Variants in PLCG2 observed in about 807,000 individuals in gnomAD.
PLCG2 encodes 1-phosphatidylinositol 4,5-bisphosphate phosphodiesterase gamma-2.
In PLCG2, 69 loss-of-function variants were observed where a neutral mutation model predicts 175.6. That is an observed-to-expected ratio of 0.39 (90% CI 0.32 to 0.48). PLCG2 has a LOEUF of 0.48. Among genes scored for constraint, PLCG2 ranks in the 20% least tolerant of loss-of-function variants. The probability of loss-of-function intolerance (pLI) is 0.91; values close to 1 mark genes in which losing one functional copy is unlikely to be tolerated. For missense variants in PLCG2, 1,798 were observed against 1,650.9 expected (o/e 1.09, Z -1.54); for synonymous variants, 827 against 624.0 (o/e 1.33, Z -4.85).
At chr16:81,922,526 A>G (rs535274265) in intron 21 of PLCG2, among the ~76,000 whole-genome samples, 15 of 152,152 alleles carry the variant, frequency 9.9e-5, no homozygotes, top group Admixed American at 9.8e-4. Flanking sequence ...AGTCTTAACA[A>G]CCCTGTGAAA....
chr16:81,825,886 T>A (rs942861262), intron 2 of PLCG2, among the ~76,000 whole-genome samples: 1 of 152,164 alleles, frequency 6.6e-6, no homozygotes, highest in African/African-American at 2.4e-5. Context: ...AGGCTAAGAT[T>A]GTCACATAGG....
chr16:81,771,749 A>T (rs888135106), intron 2 of PLCG2, among the ~76,000 whole-genome samples: 3 of 147,102 alleles, frequency 2.0e-5, no homozygotes, highest in Non-Finnish European at 4.4e-5. Context: ...ATGTAACCTT[A>T]CTTGGAAATA....
chr16:81,802,403 C>T (rs1051453951), intron 2 of PLCG2, among the ~76,000 whole-genome samples: 15 of 152,038 alleles, frequency 9.9e-5, no homozygotes, highest in South Asian at 2.1e-4. Context: ...TGAGCCACCG[C>T]GCCCGGCCTC....
rs1444362773 is a variant in PLCG2, at chr16:81,891,719, G to A, written c.986+129G>A. The A allele has an allele frequency of 2.5e-5, 15 of 602,940 alleles. No individual in the cohort carries two copies. The Admixed American group carries it at 4.0e-4, about 16-fold the overall frequency. The allele number at this position is 602,940 out of a possible 1,614,324, so 37.3% of individuals were successfully genotyped here. A position where few individuals can be genotyped will look rare whatever the true frequency, so the allele number is the denominator to read the frequency against. On this transcript the variant is annotated intron_variant, in intron 11 of 32. Transcript: ENST00000564138. Reference sequence around the variant, plus strand: ...TGGAGGGTGTAGCACCGCATTCCTTGGACTAAAATACACAGAAGCTTCTGG... The same window carrying A: ...TGGAGGGTGTAGCACCGCATTCCTTAGACTAAAATACACAGAAGCTTCTGG...
intron 2 of PLCG2, among the ~76,000 whole-genome samples, chr16:81,837,665 C>G (rs1051754788): frequency 1.7e-4 from 26 of 149,618 alleles, no homozygotes; most frequent in Admixed American, 1.5e-3. Flanking sequence ...ACAAGAACAT[C>G]TGTTTGGTAC....
chr16:81,946,389 A>T, intron 31 of PLCG2, 126 bp downstream of exon 31: 2 of 690,938 alleles, frequency 2.9e-6, no homozygotes, highest in Non-Finnish European at 5.3e-6. Flanking sequence ...CAAGCATGAG[A>T]CATCATACAA....
At chr16:81,839,344 C>T (rs1490723993) in intron 2 of PLCG2, among the ~76,000 whole-genome samples, 1 of 151,534 alleles carries the variant, frequency 6.6e-6, no homozygotes, top group Non-Finnish European at 1.5e-5. Context: ...CTGGTCAATC[C>T]ATGTGTGAGG....
At chr16:81,763,702 C>T (rs554346716) in intron 2 of PLCG2, among the ~76,000 whole-genome samples, 58 of 152,300 alleles carry the variant, frequency 3.8e-4, no homozygotes, top group Non-Finnish European at 6.2e-4. Flanking sequence ...TGTGGTGGCT[C>T]ATGCCTGTAA....
At chr16:81,838,663 G>C (rs1411104543) in intron 2 of PLCG2, among the ~76,000 whole-genome samples, 2 of 151,768 alleles carry the variant, frequency 1.3e-5, no homozygotes, top group African/African-American at 4.8e-5. Flanking sequence ...ATGCCTGCAG[G>C]GTTTAAAACC....
intron 3 of PLCG2, among the ~76,000 whole-genome samples, chr16:81,857,039 T>C (rs1333599403): frequency 6.6e-6 from 1 of 152,206 alleles, no homozygotes; most frequent in Non-Finnish European, 1.5e-5. Context: ...CAGTCTATTT[T>C]AGACTTCTGG....
chr16:81,908,719 T>A, intron 17 of PLCG2, 128 bp downstream of exon 17: 1 of 754,846 alleles, frequency 1.3e-6, no homozygotes, highest in Non-Finnish European at 2.1e-6. Context: ...TTCATTTGTC[T>A]AGCTCTTCTA....
intron 8 of PLCG2, among the ~76,000 whole-genome samples, chr16:81,881,636 T>A: frequency 6.6e-6 from 1 of 152,320 alleles, no homozygotes; most frequent in South Asian, 2.1e-4. Context: ...ATAAAATGAA[T>A]CTAATTTTTA....
chr16:81,881,403 C>T (rs1222472612), intron 8 of PLCG2, among the ~76,000 whole-genome samples: 3 of 152,210 alleles, frequency 2.0e-5, no homozygotes, highest in African/African-American at 7.2e-5. Context: ...AATATTATTA[C>T]TAAAAAGTCA....
intron 13 of PLCG2, 50 bp from the exon 14 acceptor site, chr16:81,900,562 C>A: frequency 6.6e-7 from 1 of 1,523,846 alleles, no homozygotes; most frequent in Non-Finnish European, 8.9e-7. Context: ...GGGGCAGATG[C>A]AGAGGTGTGT....
At chr16:81,780,461 G>C (rs576298015) in intron 1 of PLCG2, among the ~76,000 whole-genome samples, 2 of 152,284 alleles carry the variant, frequency 1.3e-5, no homozygotes, top group African/African-American at 4.8e-5. Context: ...ACAGTTCTGC[G>C]GGGAAGTTTT....
chr16:81,949,442 G>A lies in PLCG2; in HGVS notation c.3570+3179G>A, dbSNP rs558596283. Among the ~76,000 whole-genome samples the A allele has an allele frequency of 1.6e-3, 248 of 152,222 alleles. 2 individuals carry two copies. Among genetic ancestry groups the A allele is most frequent in the African/African-American group, 5.5e-3 (229 of 41,538 alleles). The stretch of plus-strand genomic sequence containing the variant: ...TCTAATATCAGACTTGTCCTCTTTG[G>A]TGCTGAAAACTAAAAGACTCCCAAA... On this transcript the variant is annotated intron_variant, in intron 31 of 32. Transcript: ENST00000564138.
intron 6 of PLCG2, among the ~76,000 whole-genome samples, chr16:81,870,541 G>A (rs1907461722): frequency 6.6e-6 from 1 of 152,210 alleles, no homozygotes; most frequent in Non-Finnish European, 1.5e-5. Flanking sequence ...GGGCTCAAAG[G>A]AGGGTCTTAC....
chr16:81,824,071 GTCCTGTCCTGTCCTGTCCTGTCCTT>G (rs1567483203), intron 2 of PLCG2, among the ~76,000 whole-genome samples: 3 of 103,080 alleles, frequency 2.9e-5, no homozygotes, highest in Admixed American at 1.1e-4. Context: ...GTCCTGTCCT[GTCCTGTCCTGTCCTGTCCTGTCCTT>G]TCCTTTCTTT....
At chr16:81,759,754 C>T (rs980202691) in intron 2 of PLCG2, among the ~76,000 whole-genome samples, 8 of 152,238 alleles carry the variant, frequency 5.3e-5, no homozygotes, top group South Asian at 4.1e-4. Context: ...TTAAATTGTA[C>T]GTTACCCATT....
Sources: allele counts gnomAD v4.1 joint callset (sites outside exome capture counted in the v4.1 genomes callset), GRCh38; gene constraint gnomAD v4.1.1; transcripts MANE v1.5; gene names NCBI Gene and HGNC (gene_info 2026-07-23, HGNC 2026-07-21).